The following NUP107 variants were observed in gnomAD, a reference collection of about 807,000 sequenced individuals.
NUP107 encodes the protein nuclear pore complex protein Nup107.
Under a neutral mutation model 141.0 loss-of-function variants are expected in NUP107, and 101 were observed. That is an observed-to-expected ratio of 0.72 (90% CI 0.61 to 0.84). The LOEUF (loss-of-function observed/expected upper bound fraction) is 0.84. NUP107 is among the 40% of genes least tolerant of loss of function. The pLI, the probability that NUP107 is intolerant of heterozygous loss-of-function variation, is 0.00. For synonymous variants in NUP107, 319 were observed against 363.9 expected, an observed-to-expected ratio of 0.88 and a Z score of 1.41; for missense variants, 941 against 1,102.7, an observed-to-expected ratio of 0.85 and a Z score of 2.08.
chr12:68,723,775 C>T (rs2136035228), intron 17 of NUP107, among the ~76,000 whole-genome samples: 1 of 152,276 alleles, frequency 6.6e-6, no homozygotes, highest in Non-Finnish European at 1.5e-5. Context: ...GTTCTACTCA[C>T]ATTTTCTTGT....
At chr12:68,705,226 CTATT>C (rs1231299810) in intron 8 of NUP107, among the ~76,000 whole-genome samples, 1 of 152,138 alleles carries the variant, frequency 6.6e-6, no homozygotes, top group Non-Finnish European at 1.5e-5. Flanking sequence ...TCATATTTGG[CTATT>C]TATTGAGCTC....
rs142881842 is a variant in NUP107 at position 68,721,091 on chromosome 12, A to C, written c.1252-27A>C. ...ACATACTAAGAAAAACAATATTTCA[A>C]ATTTGTTTATATTCATTGTGTTTTA... On this transcript the variant is annotated intron_variant, in intron 14 of 27. Transcript: ENST00000229179. The C allele has an allele frequency of 5.4e-6, 8 of 1,472,618 alleles. No individual in the cohort carries two copies. The Admixed American group carries it at 9.0e-5, about 17-fold the overall frequency. 91.2% of individuals were successfully genotyped at this position (1,472,618 alleles called of 1,614,324 possible).
chr12:68,689,606 A>G lies in NUP107; in HGVS notation c.174A>G (p.Ser58=), dbSNP rs745470406. The change falls in exon 3 of 28, where the codon TCA becomes TCG. Residue 58 remains serine, a synonymous_variant. Coordinates refer to ENST00000229179, the MANE Select transcript of NUP107 (RefSeq NM_020401.4). ...AGGTTATCCCTCGAACTCCTAGCTCATTTCGACAGCCTTGTAAGATTTTTT... is the reference window on the plus strand; with the variant it reads ...AGGTTATCCCTCGAACTCCTAGCTCGTTTCGACAGCCTTGTAAGATTTTTT... The part of the protein sequence containing the change: ...RNQVIPRTPS[S]FRQPFTPTSR... 4 of 1,608,998 alleles carry G rather than the reference A, an allele frequency of 2.5e-6. No individual in the cohort carries two copies. In the Admixed American group the frequency reaches 6.8e-5, roughly 27 times the overall value.
At chr12:68,719,205 C>T in intron 12 of NUP107, 136 bp from the exon 13 acceptor site, 1 of 609,026 alleles carries the variant, frequency 1.6e-6, no homozygotes, top group Non-Finnish European at 2.9e-6. Context: ...CCATTATTAA[C>T]TGTCTACATC....
Position 68,719,360 on chromosome 12 carries a change from G to A in NUP107, c.1103G>A (p.Arg368His), listed in dbSNP as rs771157258. The A allele has an allele frequency of 2.5e-6, 4 of 1,613,902 alleles. No individual in the cohort carries two copies. The highest frequency in any genetic ancestry group is 3.3e-5 in the Admixed American group (2 of 59,998). ...MTEEAQRLCK[R>H]CGQAWRAATL... Reference sequence around the variant, plus strand: ...TCTAAGGCACAACGACTCTGTAAACGCTGTGGTCAAGCATGGAGAGCTGCA... The same window carrying A: ...TCTAAGGCACAACGACTCTGTAAACACTGTGGTCAAGCATGGAGAGCTGCA... Residue 368 changes from arginine to histidine, a missense_variant, in exon 13 of 28, where the codon CGC (arginine) becomes CAC (histidine). Physicochemically the swap from Arg to His is conservative, Grantham distance 29. Coordinates refer to ENST00000229179, the MANE Select transcript of NUP107 (RefSeq NM_020401.4).
intron 21 of NUP107, 102 bp downstream of exon 21, chr12:68,731,362 A>AG: frequency 4.3e-6 from 5 of 1,151,652 alleles, no homozygotes; most frequent in Non-Finnish European, 5.8e-6. Flanking sequence ...ATTTCTGTTG[A>AG]GGGGAAAAGA....
intron 9 of NUP107, 112 bp from the exon 10 acceptor site, chr12:68,709,893 A>C: frequency 1.6e-6 from 1 of 633,966 alleles, no homozygotes; most frequent in Non-Finnish European, 2.7e-6. Flanking sequence ...TTTCTCAAAA[A>C]AAAAAATAAA....
rs567289151 is a variant in NUP107, at chr12:68,722,045, G to A, written c.1457+59G>A. On this transcript the variant is annotated intron_variant, in intron 16 of 27. Coordinates refer to ENST00000229179, the MANE Select transcript of NUP107 (RefSeq NM_020401.4). ...TTTGTAGCATGCTCTTTGATGTTTC[G>A]TTTTACACCCCTTTTTCATATTATT... 1.2e-4 allele frequency: 193 copies of A among 1,609,980 alleles called. 1 individual carries two copies. The South Asian group carries it at 1.9e-3, about 16-fold the overall frequency.
Position 68,709,273 on chromosome 12 carries a change from G to A in NUP107, c.765G>A (p.Ala255=), listed in dbSNP as rs760015459. The A allele has an allele frequency of 9.8e-5, 157 of 1,602,974 alleles. No homozygotes were observed. The highest frequency in any genetic ancestry group is 1.3e-4 in the Non-Finnish European group (148 of 1,176,614). Residue 255 remains alanine, a synonymous_variant, in exon 9 of 28, where the codon GCG becomes GCA. Coordinates refer to ENST00000229179, the MANE Select transcript of NUP107 (RefSeq NM_020401.4). The stretch of plus-strand genomic sequence containing the variant: ...CCAGTGAAAAAACAGTTGTGGAAGC[G>A]TTATTTCAGAGGGATTCACTTGTTC... ...VNASEKTVVE[A]LFQRDSLVRQ... is the part of the protein sequence containing the mutation.
At chr12:68,696,524 C>A (rs1876064080) in intron 5 of NUP107, among the ~76,000 whole-genome samples, 1 of 151,894 alleles carries the variant, frequency 6.6e-6, no homozygotes, top group South Asian at 2.1e-4. Flanking sequence ...ACCAGCCTGG[C>A]CAATATGGTG....
chr12:68,692,201 G>A (rs956255013), intron 5 of NUP107, 89 bp downstream of exon 5: 1 of 1,282,850 alleles, frequency 7.8e-7, no homozygotes, highest in African/African-American at 1.5e-5. Context: ...ACGTCATTAT[G>A]TTTTTCTTTT....
At chr12:68,696,366 ATT>A (rs879279488) in intron 5 of NUP107, among the ~76,000 whole-genome samples, 4 of 143,342 alleles carry the variant, frequency 2.8e-5, no homozygotes, top group Non-Finnish European at 1.5e-5. Context: ...CTCTGTCTCA[ATT>A]TTTTTTTTTT....
intron 25 of NUP107, 47 bp from the exon 26 acceptor site, chr12:68,735,184 T>C (rs1878015305): frequency 8.4e-7 from 1 of 1,197,198 alleles, no homozygotes; most frequent in Non-Finnish European, 1.2e-6. Flanking sequence ...AATACATTAT[T>C]TATTGGGTTT....
At chr12:68,696,116 A>G (rs1228272338) in intron 5 of NUP107, among the ~76,000 whole-genome samples, 1 of 152,088 alleles carries the variant, frequency 6.6e-6, no homozygotes, top group African/African-American at 2.4e-5. Context: ...TTATAATCCC[A>G]ACACTTTGGG....
intron 5 of NUP107, among the ~76,000 whole-genome samples, chr12:68,693,088 T>A (rs1051237597): frequency 2.7e-5 from 4 of 150,510 alleles, no homozygotes; most frequent in South Asian, 2.1e-4. Context: ...TTTATTTATT[T>A]TTTTTTTTAG....
At chr12:68,741,734 T>C in intron 26 of NUP107, 79 bp from the exon 27 acceptor site, 1 of 1,330,506 alleles carries the variant, frequency 7.5e-7, no homozygotes, top group Non-Finnish European at 1.0e-6. Flanking sequence ...ATTCTGGGTT[T>C]GATTCAGTAC....
At chr12:68,710,797 G>C (rs1303158147) in intron 10 of NUP107, among the ~76,000 whole-genome samples, 1 of 152,044 alleles carries the variant, frequency 6.6e-6, no homozygotes, top group African/African-American at 2.4e-5. Flanking sequence ...AAGTAATCGA[G>C]ATGATATAAA....
At chr12:68,735,146 A>G (rs763965286) in intron 25 of NUP107, 85 bp from the exon 26 acceptor site, 3 of 917,398 alleles carry the variant, frequency 3.3e-6, no homozygotes, top group Non-Finnish European at 5.4e-6. Flanking sequence ...ATGATGTTCT[A>G]TATGTATGTT....
rs752551640 is a variant in NUP107 at position 68,741,691 on chromosome 12, CT to C, written c.2503-116del. On this transcript the variant is annotated intron_variant, in intron 26 of 27. Transcript: ENST00000229179. ...GTAGTCTACGTTGTTCATCTTCATA[CT>C]TTTTTGCTGTTAAATCTTGTCTACC... The C allele has an allele frequency of 7.7e-6, 6 of 777,194 alleles. No homozygotes were observed. The Admixed American group carries it at 1.1e-4, about 14-fold the overall frequency. The allele number at this position is 777,194 out of a possible 1,614,324, so 48.1% of individuals were successfully genotyped here.
Sources: gnomAD v4.1 joint callset for allele counts (sites outside exome capture counted in the v4.1 genomes callset) on GRCh38, gnomAD v4.1.1 for gene constraint, MANE v1.5 for transcripts, NCBI Gene and HGNC (gene_info 2026-07-23, HGNC 2026-07-21) for gene names.